Variants in DMXL1 observed in about 807,000 individuals in gnomAD.
DMXL1 encodes dmX-like protein 1.
Under a neutral mutation model 319.2 loss-of-function variants are expected in DMXL1, and 99 were observed. The observed-to-expected ratio is 0.31, with a 90% CI of 0.26 to 0.37. The LOEUF (loss-of-function observed/expected upper bound fraction) is 0.37. Among genes scored for constraint, DMXL1 ranks in the 10% least tolerant of loss-of-function variants. The probability of loss-of-function intolerance (pLI) is 1.00; values close to 1 mark genes in which losing one functional copy is unlikely to be tolerated. For missense variants in DMXL1, 3,745 were observed against 3,595.6 expected (o/e 1.04, Z -1.06); for synonymous variants, 1,385 against 1,235.2 (o/e 1.12, Z -2.54).
chr5:119,143,757 A>G (rs1767922941), intron 13 of DMXL1, 84 bp from the exon 14 acceptor site: 2 of 853,842 alleles, frequency 2.3e-6, no homozygotes, highest in Middle Eastern at 6.7e-4. Flanking sequence ...ATTGTTATTT[A>G]TCTGTTATGC....
chr5:119,173,371 TC>T (rs1287133793), intron 25 of DMXL1, among the ~76,000 whole-genome samples: 2 of 149,946 alleles, frequency 1.3e-5, no homozygotes, highest in African/African-American at 4.9e-5. Context: ...AAAAAAACTG[TC>T]CTGAAACATT....
At chr5:119,227,998 A>T (rs1048035126) in intron 38 of DMXL1, among the ~76,000 whole-genome samples, 4 of 152,230 alleles carry the variant, frequency 2.6e-5, no homozygotes, top group African/African-American at 9.6e-5. Flanking sequence ...AAAAGAAAAA[A>T]GTTTTCTTAA....
chr5:119,138,396 G>T (rs1766515799), intron 13 of DMXL1, among the ~76,000 whole-genome samples: 1 of 152,194 alleles, frequency 6.6e-6, no homozygotes, highest in Non-Finnish European at 1.5e-5. Flanking sequence ...TTAATTTTGA[G>T]ATGCCTGTTT....
rs1476923057 is a variant in DMXL1 at position 119,202,869 on chromosome 5, ATATATATATATATTTT to A, written c.7746-436_7746-421del. Among the ~76,000 whole-genome samples the A allele has an allele frequency of 3.6e-5, 4 of 110,354 alleles. No homozygotes were observed. In the South Asian group the frequency reaches 9.1e-4, roughly 25 times the overall value. The allele number at this position is 110,354 out of a possible 152,430, so 72.4% of individuals were successfully genotyped here. A position where few individuals can be genotyped will look rare whatever the true frequency, so the allele number is the denominator to read the frequency against. On this transcript the variant is annotated intron_variant, in intron 32 of 43. Coordinates refer to ENST00000539542, the MANE Select transcript of DMXL1 (RefSeq NM_001290321.3). ...CCATCTCAAAAATATACATACATAT[ATATATATATATATTTT>A]TATATATATATATATATATATTTAT...
chr5:119,239,112 G>T, intron 41 of DMXL1, 32 bp downstream of exon 41: 1 of 1,608,648 alleles, frequency 6.2e-7, no homozygotes, highest in Non-Finnish European at 8.5e-7. Flanking sequence ...TGAAGTATGA[G>T]AAAGTATAGC....
intron 1 of DMXL1, among the ~76,000 whole-genome samples, chr5:119,081,349 G>A (rs569604898): frequency 1.6e-4 from 25 of 152,270 alleles, no homozygotes; most frequent in African/African-American, 5.5e-4. Flanking sequence ...CACAGAAATA[G>A]CACTCTTCCT....
Position 119,233,245 on chromosome 5 carries a change from G to A in DMXL1, c.8339-95G>A, listed in dbSNP as rs1028601704. 4.7e-6 allele frequency: 6 copies of A among 1,270,880 alleles called. No homozygotes were observed. In the Admixed American group the frequency reaches 6.9e-5, roughly 15 times the overall value. 78.7% of individuals were successfully genotyped at this position (1,270,880 alleles called of 1,614,324 possible). On this transcript the variant is annotated intron_variant, in intron 38 of 43. Coordinates refer to ENST00000539542, the MANE Select transcript of DMXL1 (RefSeq NM_001290321.3). ...TAAATTTATATAAGTTGATTTAGATGTTTCTTTCATAAAGATTTTCACATA... is the reference window on the plus strand; with the variant it reads ...TAAATTTATATAAGTTGATTTAGATATTTCTTTCATAAAGATTTTCACATA...
In DMXL1 at chr5:119,101,868, C is replaced by A. The variant is rs564208782; in HGVS notation, c.214-67C>A. ...ATATTTAAAGTTATAGTATTCATTTCTTTGCTTTTTTTGATTCATAAGTAA... is the reference window on the plus strand; with the variant it reads ...ATATTTAAAGTTATAGTATTCATTTATTTGCTTTTTTTGATTCATAAGTAA... On this transcript the variant is annotated intron_variant, in intron 2 of 43. Coordinates refer to ENST00000539542, the MANE Select transcript of DMXL1 (RefSeq NM_001290321.3). 3 of 1,041,126 alleles carry A rather than the reference C, an allele frequency of 2.9e-6. No individual in the cohort carries two copies. In the South Asian group the frequency reaches 4.5e-5, roughly 16 times the overall value. 64.5% of individuals were successfully genotyped at this position (1,041,126 alleles called of 1,614,324 possible). A position where few individuals can be genotyped will look rare whatever the true frequency, so the allele number is the denominator to read the frequency against.
intron 4 of DMXL1, among the ~76,000 whole-genome samples, chr5:119,108,802 T>C (rs950898241): frequency 1.3e-5 from 2 of 152,082 alleles, no homozygotes; most frequent in African/African-American, 4.8e-5. Context: ...CATCTGAATT[T>C]TTTTTCCTTT....
chr5:119,177,699 G>A (rs944016393), intron 27 of DMXL1, among the ~76,000 whole-genome samples: 5 of 151,866 alleles, frequency 3.3e-5, no homozygotes, highest in African/African-American at 7.3e-5. Context: ...TTGTAATACC[G>A]TTTTTTAAAT....
intron 5 of DMXL1, among the ~76,000 whole-genome samples, chr5:119,110,610 C>T (rs1346191859): frequency 6.6e-6 from 1 of 152,012 alleles, no homozygotes; most frequent in Non-Finnish European, 1.5e-5. Context: ...TCTATTTTTC[C>T]CACATAATCT....
intron 25 of DMXL1, among the ~76,000 whole-genome samples, chr5:119,174,785 TC>T (rs931074808): frequency 1.4e-4 from 19 of 133,584 alleles, no homozygotes; most frequent in African/African-American, 4.8e-4. Flanking sequence ...TTATATCCTT[TC>T]TCTTTCTCTT....
intron 13 of DMXL1, among the ~76,000 whole-genome samples, chr5:119,140,853 C>A (rs1241330726): frequency 6.6e-6 from 1 of 152,084 alleles, no homozygotes; most frequent in Non-Finnish European, 1.5e-5. Context: ...ATGCAAAAAT[C>A]CTTGACAAAA....
At position 119,149,160 on chromosome 5, in the gene DMXL1, T is replaced by G; in HGVS notation, c.3333T>G (p.Ser1111Arg). 5.0e-6 allele frequency: 8 copies of G among 1,613,896 alleles called. No individual in the cohort carries two copies. Among genetic ancestry groups the G allele is most frequent in the Non-Finnish European group, 6.8e-6 (8 of 1,179,826 alleles). ...ELSTVLDSGI[S>R]VDSNLVAYNK... ...GCACAGTATTGGATTCTGGCATTAGTGTTGATAGCAATTTAGTGGCCTATA... is the reference window on the plus strand; with the variant it reads ...GCACAGTATTGGATTCTGGCATTAGGGTTGATAGCAATTTAGTGGCCTATA... Residue 1111 changes from serine to arginine, a missense_variant, in exon 18 of 44, where the codon AGT becomes AGG. By Grantham distance (110) the Ser-to-Arg change is moderately radical. This residue lies in a region of DMXL1 where 2,096 missense variants were observed against 1,985.4 expected (regional missense o/e 1.06). Transcript: ENST00000539542.
intron 4 of DMXL1, among the ~76,000 whole-genome samples, chr5:119,108,561 C>G (rs1425185889): frequency 6.6e-6 from 1 of 151,990 alleles, no homozygotes; most frequent in Non-Finnish European, 1.5e-5. Context: ...GTGTCTGGTA[C>G]TACAAGTGCG....
chr5:119,242,813 C>T (rs561422690), intron 42 of DMXL1, among the ~76,000 whole-genome samples: 1 of 152,244 alleles, frequency 6.6e-6, no homozygotes, highest in South Asian at 2.1e-4. Context: ...ATATAGTAGA[C>T]TTATGTTTAA....
intron 8 of DMXL1, among the ~76,000 whole-genome samples, chr5:119,120,493 C>T (rs1435436152): frequency 1.3e-5 from 2 of 152,156 alleles, no homozygotes; most frequent in Admixed American, 1.3e-4. Flanking sequence ...GCACTGCCTG[C>T]CTCATGGCAT....
intron 9 of DMXL1, among the ~76,000 whole-genome samples, chr5:119,122,323 C>G (rs1276482650): frequency 1.4e-5 from 2 of 147,140 alleles, no homozygotes; most frequent in Admixed American, 6.7e-5. Context: ...CTGACCCCCC[C>G]ACCTCCCTCC....
rs1407637289 is a variant in DMXL1, at chr5:119,089,262, GCATATATATATATA to G, written c.88-8702_88-8689del. Among the ~76,000 whole-genome samples, 4 of 83,796 alleles carry G rather than the reference GCATATATATATATA, an allele frequency of 4.8e-5. No homozygotes were observed. The East Asian group carries it at 2.2e-3, about 46-fold the overall frequency. 55.0% of individuals were successfully genotyped at this position (83,796 alleles called of 152,430 possible). ...GACAAATTGGAGCTCCATTATATAT[GCATATATATATATA>G]CATATATATATATATATTTTTTTTT... On this transcript the variant is annotated intron_variant, in intron 1 of 43. Transcript: ENST00000539542.
Sources: gnomAD v4.1 joint callset for allele counts (sites outside exome capture counted in the v4.1 genomes callset) on GRCh38, gnomAD v4.1.1 for gene constraint, gnomAD v4.1.1 regional missense constraint, MANE v1.5 for transcripts, NCBI Gene and HGNC (gene_info 2026-07-23, HGNC 2026-07-21) for gene names.